FRMD4A: variants seen among roughly 807,000 people sequenced by gnomAD.
FRMD4A encodes FERM domain containing 4A, also known as FERM domain-containing protein 4A.
FRMD4A carries 29 observed loss-of-function variants against 129.1 expected under a neutral mutation model. The observed-to-expected ratio is 0.22, with a 90% CI of 0.17 to 0.31. FRMD4A has a LOEUF of 0.31. FRMD4A is among the 10% of genes least tolerant of loss of function. FRMD4A has a pLI of 1.00. For missense variants in FRMD4A, 1,272 were observed against 1,375.8 expected (o/e 0.92, Z 1.19); for synonymous variants, 634 against 571.6 (o/e 1.11, Z -1.56).
chr10:14,049,106 T>A (rs1834136782), intron 2 of FRMD4A, among the ~76,000 whole-genome samples: 6 of 152,150 alleles, frequency 3.9e-5, no homozygotes. Context: ...GGGAAAAAAG[T>A]CTTGGCTGTG....
chr10:14,000,816 G>A (rs1317492510), intron 2 of FRMD4A, among the ~76,000 whole-genome samples: 1 of 152,012 alleles, frequency 6.6e-6, no homozygotes, highest in Non-Finnish European at 1.5e-5. Flanking sequence ...TAGATTGGAT[G>A]TTTTTGATCT....
intron 2 of FRMD4A, among the ~76,000 whole-genome samples, chr10:14,125,039 C>A (rs1252500088): frequency 6.6e-6 from 1 of 152,150 alleles, no homozygotes; most frequent in Non-Finnish European, 1.5e-5. Context: ...TGTTTTCTAG[C>A]TTCCCCTTTA....
intron 12 of FRMD4A, among the ~76,000 whole-genome samples, chr10:13,720,356 T>C (rs7901483): frequency 0.031 from 4,697 of 152,198 alleles, 240 homozygotes; most frequent in African/African-American, 0.1. Context: ...GCCCCAGTTA[T>C]GTTCTTAAAG....
At chr10:13,815,287 T>G (rs1402171700) in intron 3 of FRMD4A, among the ~76,000 whole-genome samples, 4 of 152,100 alleles carry the variant, frequency 2.6e-5, no homozygotes, top group Non-Finnish European at 5.9e-5. Context: ...TTATGCTAAG[T>G]GAAAGAAGCC....
chr10:14,187,089 C>T (rs949167882), intron 2 of FRMD4A, among the ~76,000 whole-genome samples: 1 of 132,924 alleles, frequency 7.5e-6, no homozygotes, highest in African/African-American at 2.8e-5. Context: ...TTTGTACTCT[C>T]GTTTGGGTGA....
intron 2 of FRMD4A, among the ~76,000 whole-genome samples, chr10:13,942,810 G>A (rs377307913): frequency 1.3e-5 from 2 of 152,108 alleles, no homozygotes; most frequent in African/African-American, 2.4e-5. Context: ...GCGCGCGTCT[G>A]TAGTCCCAGC....
chr10:14,281,274 GA>G (rs1490092250), intron 2 of FRMD4A, among the ~76,000 whole-genome samples: 1 of 152,080 alleles, frequency 6.6e-6, no homozygotes, highest in Non-Finnish European at 1.5e-5. Context: ...TTACAGACGT[GA>G]GCCACCACAC....
chr10:14,327,069 G>A, intron 2 of FRMD4A: 1 of 397,962 alleles, frequency 2.5e-6, no homozygotes, highest in Non-Finnish European at 4.4e-6. Context: ...GTCCAGGCAT[G>A]CTTACCACCT....
chr10:13,804,488 T>G (rs1254936104), intron 4 of FRMD4A, among the ~76,000 whole-genome samples: 1 of 151,960 alleles, frequency 6.6e-6, no homozygotes, highest in African/African-American at 2.4e-5. Context: ...TTCCTGGCAG[T>G]GGTTCTAAAG....
At chr10:13,826,715 T>C (rs931519277) in intron 3 of FRMD4A, among the ~76,000 whole-genome samples, 7 of 152,228 alleles carry the variant, frequency 4.6e-5, no homozygotes, top group African/African-American at 1.7e-4. Flanking sequence ...TTCGATACAA[T>C]TAAAAAGACA....
chr10:14,058,813 T>A (rs746051253), intron 2 of FRMD4A, among the ~76,000 whole-genome samples: 110 of 152,118 alleles, frequency 7.2e-4, no homozygotes, highest in South Asian at 2.1e-4. Flanking sequence ...TGATTACACA[T>A]ATCCACCTGC....
intron 2 of FRMD4A, among the ~76,000 whole-genome samples, chr10:13,904,268 C>A (rs2094854759): frequency 6.6e-6 from 1 of 152,226 alleles, no homozygotes; most frequent in Non-Finnish European, 1.5e-5. Flanking sequence ...CTCCTACAGG[C>A]CCCTGTGCTT....
At chr10:14,020,741 C>A (rs970675434) in intron 2 of FRMD4A, among the ~76,000 whole-genome samples, 4 of 152,006 alleles carry the variant, frequency 2.6e-5, no homozygotes, top group Middle Eastern at 3.4e-3. Context: ...ATTTTGGTAG[C>A]AGGAGAAACA....
intron 2 of FRMD4A, among the ~76,000 whole-genome samples, chr10:13,992,520 C>T (rs890607364): frequency 1.3e-5 from 2 of 152,206 alleles, no homozygotes; most frequent in African/African-American, 4.8e-5. Flanking sequence ...GAATAGGTTG[C>T]TGCTCATTCA....
At chr10:13,693,657 C>T in intron 15 of FRMD4A, 1 of 635,764 alleles carries the variant, frequency 1.6e-6, no homozygotes, top group South Asian at 1.6e-5. Context: ...ACCAGCAGGC[C>T]TTCTTGCACT....
chr10:14,213,807 G>A (rs559452665), intron 2 of FRMD4A, among the ~76,000 whole-genome samples: 3 of 152,342 alleles, frequency 2.0e-5, no homozygotes, highest in African/African-American at 7.2e-5. Flanking sequence ...CTGATGGGAA[G>A]TAATTGAATC....
chr10:13,746,764 G>A (rs1222558961), intron 9 of FRMD4A, among the ~76,000 whole-genome samples: 10 of 152,188 alleles, frequency 6.6e-5, no homozygotes, highest in African/African-American at 2.4e-4. Context: ...CATCAGAGAA[G>A]AGGTATTACA....
At chr10:14,184,045 A>G (rs1295328965) in intron 2 of FRMD4A, among the ~76,000 whole-genome samples, 1 of 152,032 alleles carries the variant, frequency 6.6e-6, no homozygotes, top group Non-Finnish European at 1.5e-5. Context: ...TGGTTTGGAG[A>G]AAGGAGTTGG....
chr10:14,253,173 A>C (rs1477182550), intron 2 of FRMD4A, among the ~76,000 whole-genome samples: 1 of 152,214 alleles, frequency 6.6e-6, no homozygotes, highest in Admixed American at 6.5e-5. Context: ...TATGTTAAAA[A>C]CTGTTGTTTG....
Sources: gnomAD v4.1 joint callset for allele counts (sites outside exome capture counted in the v4.1 genomes callset) on GRCh38, gnomAD v4.1.1 for gene constraint, MANE v1.5 for transcripts, NCBI Gene and HGNC (gene_info 2026-07-23, HGNC 2026-07-21) for gene names.